Variants in PDK1 observed in about 807,000 individuals in gnomAD.
PDK1 encodes the protein [Pyruvate dehydrogenase (acetyl-transferring)] kinase isozyme 1, mitochondrial.
In PDK1, 39 loss-of-function variants were observed where a neutral mutation model predicts 54.2. The observed-to-expected ratio is 0.72, with a 90% confidence interval of 0.56 to 0.94. The LOEUF (loss-of-function observed/expected upper bound fraction) is 0.94. PDK1 is among the 40% of genes least tolerant of loss of function. PDK1 has a pLI of 0.00. For synonymous variants in PDK1, 221 were observed against 207.1 expected, an observed-to-expected ratio of 1.07 and a Z score of -0.58; for missense variants, 552 against 566.0, an observed-to-expected ratio of 0.98 and a Z score of 0.25.
the PDK1 span, among the ~76,000 whole-genome samples, chr2:172,651,117 A>C: frequency 1.3e-5 from 2 of 152,170 alleles, no homozygotes; most frequent in Non-Finnish European, 2.9e-5. Context: ...AAATTATAAC[A>C]AACTGTCTCT....
the PDK1 span, among the ~76,000 whole-genome samples, chr2:172,649,305 A>G: frequency 6.6e-6 from 1 of 152,340 alleles, no homozygotes; most frequent in Admixed American, 6.5e-5. Context: ...CAGAAAGGAC[A>G]TCCACACCAA....
chr2:172,678,720 T>A, the PDK1 span, among the ~76,000 whole-genome samples: 1 of 152,242 alleles, frequency 6.6e-6, no homozygotes, highest in Non-Finnish European at 1.5e-5. Flanking sequence ...TACTAGGTCC[T>A]CTTTGTCTCT....
At chr2:172,665,782 G>A in the PDK1 span, among the ~76,000 whole-genome samples, 2 of 152,200 alleles carry the variant, frequency 1.3e-5, no homozygotes, top group Non-Finnish European at 2.9e-5. Context: ...TGGTCAAACA[G>A]ACATAAGCAG....
intron 8 of PDK1, among the ~76,000 whole-genome samples, chr2:172,585,009 A>G (rs1333394366): frequency 6.7e-6 from 1 of 149,324 alleles, no homozygotes; most frequent in Non-Finnish European, 1.5e-5. Context: ...TTGTTTTCTT[A>G]ATTTAGAGAC....
chr2:172,565,432 T>A (rs1357665631), intron 5 of PDK1, among the ~76,000 whole-genome samples: 1 of 152,150 alleles, frequency 6.6e-6, no homozygotes, highest in African/African-American at 2.4e-5. Flanking sequence ...GCCTCCCCAG[T>A]AGCCGGGATT....
chr2:172,625,873 A>G, the PDK1 span, among the ~76,000 whole-genome samples: 1 of 152,240 alleles, frequency 6.6e-6, no homozygotes, highest in African/African-American at 2.4e-5. Flanking sequence ...TATCATATGT[A>G]CATATATGTG....
At chr2:172,669,106 C>T in the PDK1 span, among the ~76,000 whole-genome samples, 1 of 124,972 alleles carries the variant, frequency 8.0e-6, no homozygotes, top group African/African-American at 3.1e-5. Context: ...GTCGCCCAGG[C>T]TGGAGTGCAG....
intron 9 of PDK1, among the ~76,000 whole-genome samples, chr2:172,588,717 T>C (rs1690399804): frequency 1.3e-5 from 2 of 152,202 alleles, no homozygotes; most frequent in Admixed American, 6.5e-5. Flanking sequence ...GGCCAGCTGA[T>C]GCCCACAGGA....
Position 172,602,355 on chromosome 2 carries a change from A to G in PDK1, c.*6386A>G, listed in dbSNP as rs758275366. The G allele has an allele frequency of 2.0e-5, 3 of 152,236 alleles. No homozygotes were observed. The highest frequency in any genetic ancestry group is 4.4e-5 in the Non-Finnish European group (3 of 68,034). The allele number at this position is 152,236 out of a possible 1,614,324, so 9.4% of individuals were successfully genotyped here. On this transcript the variant is annotated 3_prime_UTR_variant, in exon 11 of 11. Transcript: ENST00000282077. The stretch of plus-strand genomic sequence containing the variant: ...ATAAAAATATGTAATTTACCTCTCT[A>G]CAGATTAAAGGAGAAAAACTATATG...
At chr2:172,622,342 T>C in the PDK1 span, among the ~76,000 whole-genome samples, 1 of 148,834 alleles carries the variant, frequency 6.7e-6, no homozygotes, top group South Asian at 2.1e-4. Flanking sequence ...TTATATCTCA[T>C]ATATTGTGTG....
intron 3 of PDK1, among the ~76,000 whole-genome samples, chr2:172,563,693 C>T (rs1255186724): frequency 6.6e-6 from 1 of 152,042 alleles, no homozygotes; most frequent in Non-Finnish European, 1.5e-5. Flanking sequence ...ATTAGCCAGG[C>T]ATCATGGTAC....
chr2:172,567,181 T>A (rs1162381723), intron 6 of PDK1, among the ~76,000 whole-genome samples: 1 of 152,240 alleles, frequency 6.6e-6, no homozygotes, highest in Non-Finnish European at 1.5e-5. Context: ...TCTTTGCTTA[T>A]TTTTTATTTT....
At chr2:172,692,761 G>A in the PDK1 span, among the ~76,000 whole-genome samples, 1 of 152,144 alleles carries the variant, frequency 6.6e-6, no homozygotes, top group Non-Finnish European at 1.5e-5. Context: ...ATGCCATGTG[G>A]TATCTGCATT....
chr2:172,688,173 T>A, the PDK1 span, among the ~76,000 whole-genome samples: 1 of 152,202 alleles, frequency 6.6e-6, no homozygotes, highest in African/African-American at 2.4e-5. Flanking sequence ...CACCTATCCT[T>A]GCAGAGTATG....
chr2:172,696,027 G>C, the PDK1 span, among the ~76,000 whole-genome samples: 1 of 152,020 alleles, frequency 6.6e-6, no homozygotes, highest in African/African-American at 2.4e-5. Context: ...ACAAAAATTA[G>C]CTGGGTGTGG....
the PDK1 span, among the ~76,000 whole-genome samples, chr2:172,650,739 A>G: frequency 1.3e-5 from 2 of 152,242 alleles, no homozygotes; most frequent in Non-Finnish European, 2.9e-5. Flanking sequence ...AAAGAAGGCT[A>G]TTACATGATG....
At chr2:172,664,687 G>A in the PDK1 span, among the ~76,000 whole-genome samples, 18 of 149,838 alleles carry the variant, frequency 1.2e-4, no homozygotes, top group Admixed American at 7.9e-4. Context: ...TTACTGGCCT[G>A]TCTTCCATGT....
the PDK1 span, among the ~76,000 whole-genome samples, chr2:172,615,610 C>T: frequency 1.3e-5 from 2 of 151,136 alleles, no homozygotes; most frequent in South Asian, 2.1e-4. Context: ...GCAATAAGAG[C>T]GAAACTCTGT....
intron 8 of PDK1, among the ~76,000 whole-genome samples, chr2:172,575,588 A>C (rs1010284433): frequency 6.6e-6 from 1 of 152,114 alleles, no homozygotes; most frequent in Admixed American, 6.5e-5. Flanking sequence ...TTGGGAAGCC[A>C]AGGCAGGTGG....
Sources: gnomAD v4.1 joint callset for allele counts (sites outside exome capture counted in the v4.1 genomes callset) on GRCh38, gnomAD v4.1.1 for gene constraint, MANE v1.5 for transcripts, NCBI Gene and HGNC (gene_info 2026-07-23, HGNC 2026-07-21) for gene names.